SCAF8: variants seen among roughly 807,000 people sequenced by gnomAD.
SCAF8 encodes SR-related CTD associated factor 8, also known as SR-related and CTD-associated factor 8.
A neutral mutation model predicts 140.5 loss-of-function variants in SCAF8; 23 were observed. The ratio of observed to expected loss-of-function variants is 0.16; its 90% CI spans 0.12 to 0.23. The LOEUF is 0.23. Ranked by LOEUF, SCAF8 falls within the 10% of genes least tolerant of loss-of-function variation. The pLI is 1.00. For missense variants in SCAF8, 1,397 were observed against 1,555.7 expected, an observed-to-expected ratio of 0.90 and a Z score of 1.72; for synonymous variants, 575 against 528.9, an observed-to-expected ratio of 1.09 and a Z score of -1.20.
intron 1 of SCAF8, among the ~76,000 whole-genome samples, chr6:154,743,953 C>A (rs1365955418): frequency 6.6e-6 from 1 of 152,146 alleles, no homozygotes. Context: ...TGAAAAAAAT[C>A]TCTTACATAT....
intron 1 of SCAF8, among the ~76,000 whole-genome samples, chr6:154,764,823 A>C (rs1776516872): frequency 1.3e-5 from 2 of 152,176 alleles, no homozygotes; most frequent in Non-Finnish European, 1.5e-5. Context: ...TCAGCGTAAA[A>C]CCATGATTTT....
chr6:154,772,258 A>G (rs1776790792), intron 1 of SCAF8, among the ~76,000 whole-genome samples: 1 of 152,230 alleles, frequency 6.6e-6, no homozygotes, highest in Admixed American at 6.5e-5. Context: ...CTTCTAATTA[A>G]TATCTTACAG....
intron 16 of SCAF8, among the ~76,000 whole-genome samples, chr6:154,823,539 A>G (rs1457781465): frequency 6.6e-6 from 1 of 152,144 alleles, no homozygotes; most frequent in African/African-American, 2.4e-5. Flanking sequence ...GCCTGGTACG[A>G]TTGGATTTGG....
At chr6:154,831,810 A>G in intron 19 of SCAF8, 129 bp from the exon 20 acceptor site, 1 of 662,890 alleles carries the variant, frequency 1.5e-6, no homozygotes, top group Non-Finnish European at 2.5e-6. Flanking sequence ...TTTCTGTTTA[A>G]CTTAAAAAGA....
At chr6:154,826,802 G>C (rs1258531318) in intron 17 of SCAF8, among the ~76,000 whole-genome samples, 1 of 152,114 alleles carries the variant, frequency 6.6e-6, no homozygotes, top group Non-Finnish European at 1.5e-5. Context: ...GTGTTATCCA[G>C]AGTTAACGGA....
At chr6:154,815,024 G>A (rs951679949) in intron 12 of SCAF8, among the ~76,000 whole-genome samples, 3 of 152,194 alleles carry the variant, frequency 2.0e-5, no homozygotes, top group Non-Finnish European at 4.4e-5. Flanking sequence ...CAGGCCGGGT[G>A]CGGTGGCTCA....
intron 1 of SCAF8, among the ~76,000 whole-genome samples, chr6:154,770,386 ACACTCT>A (rs1447346800): frequency 2.0e-4 from 27 of 133,510 alleles, no homozygotes; most frequent in African/African-American, 6.3e-4. Context: ...ACACACACAC[ACACTCT>A]CTCTCTCTCT....
intron 1 of SCAF8, among the ~76,000 whole-genome samples, chr6:154,770,053 G>T (rs1562436288): frequency 6.6e-6 from 1 of 152,142 alleles, no homozygotes; most frequent in East Asian, 1.9e-4. Flanking sequence ...ATTTTCTAAA[G>T]CAGGTAGGAA....
At chr6:154,782,005 A>C (rs1277159920) in intron 3 of SCAF8, among the ~76,000 whole-genome samples, 1 of 152,238 alleles carries the variant, frequency 6.6e-6, no homozygotes, top group Non-Finnish European at 1.5e-5. Flanking sequence ...AAAAATTAAC[A>C]GTAAATATGA....
At chr6:154,782,433 C>CA (rs202206150) in intron 3 of SCAF8, among the ~76,000 whole-genome samples, 2 of 151,858 alleles carry the variant, frequency 1.3e-5, no homozygotes, top group Non-Finnish European at 2.9e-5. Flanking sequence ...CAAAACAAAA[C>CA]AAACAAACAG....
intron 1 of SCAF8, among the ~76,000 whole-genome samples, chr6:154,770,458 C>G (rs1363937270): frequency 6.6e-6 from 1 of 151,086 alleles, no homozygotes; most frequent in Non-Finnish European, 1.5e-5. Flanking sequence ...TATAGTCCAG[C>G]TACTTGAGAG....
intron 4 of SCAF8, among the ~76,000 whole-genome samples, chr6:154,791,553 G>C (rs1777419787): frequency 6.6e-6 from 1 of 152,180 alleles, no homozygotes; most frequent in African/African-American, 2.4e-5. Flanking sequence ...TAAACAGTCT[G>C]ATACAGTTTG....
intron 6 of SCAF8, among the ~76,000 whole-genome samples, chr6:154,796,788 C>T (rs970405844): frequency 2.6e-5 from 4 of 152,046 alleles, no homozygotes; most frequent in African/African-American, 9.7e-5. Context: ...GCCGGGCCAA[C>T]GTGGTGAAAC....
chr6:154,757,580 G>A (rs1160802282), intron 1 of SCAF8, among the ~76,000 whole-genome samples: 1 of 152,104 alleles, frequency 6.6e-6, no homozygotes, highest in Non-Finnish European at 1.5e-5. Flanking sequence ...CACATGCTTG[G>A]ATACCTAATA....
At position 154,788,035 on chromosome 6, in the gene SCAF8, T is replaced by G. The variant is rs772848769; in HGVS notation, c.321+13T>G. 2.6e-5 allele frequency: 16 copies of G among 605,572 alleles called. No homozygotes were observed. In the South Asian group the frequency reaches 4.0e-4, roughly 15 times the overall value. The allele number at this position is 605,572 out of a possible 1,614,324, so 37.5% of individuals were successfully genotyped here. The stretch of plus-strand genomic sequence containing the variant: ...TGGGGATGACAAGGTATGCTACTGG[T>G]TTTTTTTTTTTGTTTTTTTAAAAGT... On this transcript the variant is annotated intron_variant, in intron 4 of 19. Transcript: ENST00000367178.
chr6:154,796,168 C>G (rs571618401), intron 6 of SCAF8, among the ~76,000 whole-genome samples: 1 of 151,996 alleles, frequency 6.6e-6, no homozygotes, highest in African/African-American at 2.4e-5. Flanking sequence ...ATAGAAATAC[C>G]TCATTTTTGT....
chr6:154,827,369 A>G, intron 18 of SCAF8, 129 bp downstream of exon 18: 1 of 637,400 alleles, frequency 1.6e-6, no homozygotes, highest in Non-Finnish European at 2.7e-6. Context: ...ATGTTAGATA[A>G]TTTCTAAAAT....
chr6:154,772,158 G>A (rs1776787611), intron 1 of SCAF8, among the ~76,000 whole-genome samples: 2 of 152,150 alleles, frequency 1.3e-5, no homozygotes, highest in Admixed American at 1.3e-4. Flanking sequence ...TAAGTTTGTA[G>A]TTAATTAACC....
intron 1 of SCAF8, among the ~76,000 whole-genome samples, chr6:154,773,153 A>G (rs1374363188): frequency 6.6e-6 from 1 of 152,220 alleles, no homozygotes; most frequent in Non-Finnish European, 1.5e-5. Context: ...TGCAACCATC[A>G]TCACGTTCCA....
Sources: allele counts gnomAD v4.1 joint callset (sites outside exome capture counted in the v4.1 genomes callset), GRCh38; gene constraint gnomAD v4.1.1; transcripts MANE v1.5; gene names NCBI Gene and HGNC (gene_info 2026-07-23, HGNC 2026-07-21).